MYO10: variants seen among roughly 807,000 people sequenced by gnomAD.
The protein encoded by MYO10 is unconventional myosin-X.
MYO10 carries 133 observed loss-of-function variants against 257.3 expected under a neutral mutation model. The ratio of observed to expected loss-of-function variants is 0.52; its 90% CI spans 0.45 to 0.60. The LOEUF (loss-of-function observed/expected upper bound fraction) is 0.60, where lower values mean the gene tolerates loss of function less well. Among genes scored for constraint, MYO10 ranks in the 20% least tolerant of loss-of-function variants. The pLI, the probability that MYO10 is intolerant of heterozygous loss-of-function variation, is 0.00. For synonymous variants in MYO10, 1,104 were observed against 1,028.6 expected (o/e 1.07, Z -1.40); for missense variants, 2,399 against 2,635.7 (o/e 0.91, Z 1.97).
chr5:16,805,177 T>G (rs1174945760), intron 3 of MYO10, among the ~76,000 whole-genome samples: 1 of 151,966 alleles, frequency 6.6e-6, no homozygotes, highest in Non-Finnish European at 1.5e-5. Flanking sequence ...TGGTAAGAAA[T>G]TCTGGCTGGG....
rs1025668687 is a variant in MYO10, at chr5:16,665,228, A to T, written c.*1464T>A. The T allele has an allele frequency of 6.6e-6, 1 of 151,608 alleles. No homozygotes were observed. The highest frequency in any genetic ancestry group is 2.4e-5 in the African/African-American group (1 of 41,350). The allele number at this position is 151,608 out of a possible 1,614,324, so 9.4% of individuals were successfully genotyped here. On this transcript the variant is annotated 3_prime_UTR_variant, in exon 41 of 41. Transcript: ENST00000513610. ...TAAAGAAAAAAAAAAAAAACCACCA[A>T]AAAGCCAAAACAAAAATAAGCCTCC...
chr5:16,784,369 C>T (rs945942603), intron 4 of MYO10, among the ~76,000 whole-genome samples: 4 of 152,200 alleles, frequency 2.6e-5, no homozygotes, highest in South Asian at 2.1e-4. Context: ...CTGTAGGAAA[C>T]GCAGCTCTGG....
intron 1 of MYO10, among the ~76,000 whole-genome samples, chr5:16,915,607 G>A (rs770563827): frequency 1.6e-4 from 24 of 152,150 alleles, no homozygotes; most frequent in Non-Finnish European, 2.9e-4. Context: ...GTGAAGGCAC[G>A]CTGAATTCCA....
At chr5:16,730,068 C>T (rs570094802) in intron 19 of MYO10, among the ~76,000 whole-genome samples, 1 of 152,198 alleles carries the variant, frequency 6.6e-6, no homozygotes, top group African/African-American at 2.4e-5. Flanking sequence ...TTGCTTTACT[C>T]AGAGATGTAT....
At chr5:16,866,014 AACAC>A (rs34718010) in intron 2 of MYO10, among the ~76,000 whole-genome samples, 12,423 of 136,328 alleles carry the variant, frequency 0.091, 537 homozygotes, top group South Asian at 0.11. Context: ...TATTTACCCA[AACAC>A]ACACACACAC....
chr5:16,898,723 T>G (rs1171673586), intron 1 of MYO10, among the ~76,000 whole-genome samples: 2 of 151,922 alleles, frequency 1.3e-5, no homozygotes, highest in Non-Finnish European at 2.9e-5. Flanking sequence ...TGTCAAATTC[T>G]GATGTGTGTT....
intron 3 of MYO10, among the ~76,000 whole-genome samples, chr5:16,795,509 G>A (rs183264723): frequency 9.3e-4 from 142 of 152,238 alleles, no homozygotes; most frequent in African/African-American, 3.2e-3. Flanking sequence ...GCTGGGAAAG[G>A]AGAATCACTT....
At chr5:16,686,207 C>CT (rs1737246385) in intron 28 of MYO10, among the ~76,000 whole-genome samples, 1 of 152,100 alleles carries the variant, frequency 6.6e-6, no homozygotes, top group Non-Finnish European at 1.5e-5. Flanking sequence ...TAAGATATTA[C>CT]TTATAAACTA....
At chr5:16,778,009 C>T (rs974126223) in intron 9 of MYO10, among the ~76,000 whole-genome samples, 2 of 151,940 alleles carry the variant, frequency 1.3e-5, no homozygotes, top group East Asian at 3.9e-4. Context: ...CCACCATATC[C>T]AGCTAATTTT....
intron 1 of MYO10, chr5:16,916,405 T>TAAAAAAAAAAAAAAAAAAAAAAAAAAAAA (rs71596001): frequency 9.6e-6 from 1 of 104,262 alleles, no homozygotes; most frequent in Non-Finnish European, 1.8e-5. Flanking sequence ...AGCCATGAAG[T>TAAAAAAAAAAAAAAAAAAAAAAAAAAAAA]AAAAAAAAAA....
chr5:16,770,185 T>A (rs543124682), intron 9 of MYO10, among the ~76,000 whole-genome samples: 1 of 152,206 alleles, frequency 6.6e-6, no homozygotes, highest in African/African-American at 2.4e-5. Context: ...TGAGCTATGA[T>A]CGCATGTGTA....
intron 9 of MYO10, among the ~76,000 whole-genome samples, chr5:16,773,506 T>C (rs745706972): frequency 2.0e-5 from 3 of 151,736 alleles, no homozygotes; most frequent in Non-Finnish European, 2.9e-5. Context: ...CTAAAAAAAA[T>C]TAAAAATTCG....
chr5:16,679,548 G>A (rs778533612), intron 33 of MYO10, among the ~76,000 whole-genome samples: 15 of 123,264 alleles, frequency 1.2e-4, no homozygotes, highest in African/African-American at 1.5e-4. Flanking sequence ...TTTTTGAGAC[G>A]AAGTCTCACT....
chr5:16,823,405 A>G (rs1328039994), intron 2 of MYO10, among the ~76,000 whole-genome samples: 1 of 107,990 alleles, frequency 9.3e-6, no homozygotes, highest in Non-Finnish European at 1.8e-5. Context: ...AGATGGCACC[A>G]CTGCACTCCA....
At chr5:16,821,925 A>G (rs73757609) in intron 2 of MYO10, among the ~76,000 whole-genome samples, 26,276 of 91,594 alleles carry the variant, frequency 0.29, 2,528 homozygotes, top group South Asian at 0.4. Context: ...AGAGGGGGAA[A>G]AAAAAAAGCA....
intron 19 of MYO10, among the ~76,000 whole-genome samples, chr5:16,743,638 A>G (rs2126633787): frequency 6.6e-6 from 1 of 151,736 alleles, no homozygotes; most frequent in Middle Eastern, 3.4e-3. Flanking sequence ...GTGAGACTCC[A>G]TTGCAAAAAA....
chr5:16,828,620 CAAAAA>C (rs71595993), intron 2 of MYO10, among the ~76,000 whole-genome samples: 2 of 85,756 alleles, frequency 2.3e-5, no homozygotes, highest in African/African-American at 4.1e-5. Flanking sequence ...ACTCTGTCTC[CAAAAA>C]AAAAAAAAAA....
At chr5:16,730,502 A>G (rs1369572786) in intron 19 of MYO10, among the ~76,000 whole-genome samples, 1 of 152,214 alleles carries the variant, frequency 6.6e-6, no homozygotes, top group East Asian at 1.9e-4. Context: ...GCTTGTATAT[A>G]GTTTAAAACT....
chr5:16,759,169 C>T (rs1260648159), intron 17 of MYO10, among the ~76,000 whole-genome samples: 3 of 152,126 alleles, frequency 2.0e-5, no homozygotes, highest in Admixed American at 6.5e-5. Flanking sequence ...GTGATCCACC[C>T]GCCTCGGCCT....
Sources: gnomAD v4.1 joint callset for allele counts (sites outside exome capture counted in the v4.1 genomes callset) on GRCh38, gnomAD v4.1.1 for gene constraint, MANE v1.5 for transcripts, NCBI Gene and HGNC (gene_info 2026-07-23, HGNC 2026-07-21) for gene names.